WWOX: variants seen among roughly 807,000 people sequenced by gnomAD.
The protein encoded by WWOX is WW domain containing oxidoreductase.
WWOX carries 69 observed loss-of-function variants against 46.2 expected under a neutral mutation model. The ratio of observed to expected loss-of-function variants is 1.49; its 90% CI spans 1.23 to 1.82. WWOX has a LOEUF of 1.82. Ranked by LOEUF, WWOX falls within the 40% of genes most tolerant of loss-of-function variation. The pLI is 0.00. For synonymous variants in WWOX, 359 were observed against 202.6 expected (o/e 1.77, Z -6.56); for missense variants, 919 against 542.6 (o/e 1.69, Z -6.89).
intron 8 of WWOX, among the ~76,000 whole-genome samples, chr16:78,539,033 A>T (rs569364207): frequency 6.6e-6 from 1 of 152,230 alleles, no homozygotes. Context: ...CAATTCAGAG[A>T]ACATGGAAGC....
chr16:78,183,681 T>C (rs1424347381), intron 5 of WWOX, among the ~76,000 whole-genome samples: 2 of 152,184 alleles, frequency 1.3e-5, no homozygotes, highest in African/African-American at 4.8e-5. Context: ...CGAAATCTCC[T>C]GAATACCACC....
chr16:78,295,840 G>A (rs915135099), intron 5 of WWOX, among the ~76,000 whole-genome samples: 10 of 152,304 alleles, frequency 6.6e-5, no homozygotes, highest in Middle Eastern at 6.8e-3. Flanking sequence ...TTTTATTTTC[G>A]AACTTCTGGA....
At chr16:78,540,554 T>C (rs1462764273) in intron 8 of WWOX, among the ~76,000 whole-genome samples, 1 of 152,194 alleles carries the variant, frequency 6.6e-6, no homozygotes, top group Non-Finnish European at 1.5e-5. Context: ...AATTGCTCAT[T>C]AATGCTGATA....
At chr16:78,217,768 T>C (rs1368811179) in intron 5 of WWOX, among the ~76,000 whole-genome samples, 1 of 151,386 alleles carries the variant, frequency 6.6e-6, no homozygotes, top group Non-Finnish European at 1.5e-5. Flanking sequence ...TATATGGGGG[T>C]ATAGGGATAA....
At chr16:78,865,064 T>C (rs1425272028) in intron 8 of WWOX, among the ~76,000 whole-genome samples, 1 of 152,030 alleles carries the variant, frequency 6.6e-6, no homozygotes, top group Non-Finnish European at 1.5e-5. Flanking sequence ...CGCCTGGCTT[T>C]CAAATTCCAT....
At chr16:78,855,836 C>G (rs541212308) in intron 8 of WWOX, among the ~76,000 whole-genome samples, 2 of 152,302 alleles carry the variant, frequency 1.3e-5, no homozygotes, top group South Asian at 2.1e-4. Flanking sequence ...TTGGGTCTGT[C>G]AGATTCTGTG....
intron 8 of WWOX, among the ~76,000 whole-genome samples, chr16:78,623,125 T>C (rs537531306): frequency 1.1e-3 from 160 of 152,076 alleles, no homozygotes; most frequent in Non-Finnish European, 1.5e-3. Context: ...GGCAACTAGA[T>C]TTCAGCATGG....
At chr16:79,201,437 C>T (rs1412272676) in intron 8 of WWOX, among the ~76,000 whole-genome samples, 1 of 151,358 alleles carries the variant, frequency 6.6e-6, no homozygotes, top group Non-Finnish European at 1.5e-5. Context: ...TACACGATGC[C>T]TGAGCTGGCT....
chr16:78,824,683 A>G (rs2051599844), intron 8 of WWOX, among the ~76,000 whole-genome samples: 1 of 152,152 alleles, frequency 6.6e-6, no homozygotes, highest in African/African-American at 2.4e-5. Flanking sequence ...CCCCTGGTAA[A>G]CCCATCAGAT....
intron 5 of WWOX, among the ~76,000 whole-genome samples, chr16:78,224,591 T>G (rs370993265): frequency 1.3e-5 from 2 of 152,206 alleles, no homozygotes; most frequent in African/African-American, 4.8e-5. Context: ...TACAGGTTAT[T>G]CACAGCTTTT....
At chr16:78,839,945 T>C (rs565400596) in intron 8 of WWOX, among the ~76,000 whole-genome samples, 54 of 152,334 alleles carry the variant, frequency 3.5e-4, no homozygotes, top group South Asian at 1.2e-3. Flanking sequence ...CCATATATTA[T>C]TAGCTAGTGA....
chr16:78,684,798 T>A (rs905735087), intron 8 of WWOX, among the ~76,000 whole-genome samples: 3 of 152,136 alleles, frequency 2.0e-5, no homozygotes, highest in Non-Finnish European at 4.4e-5. Flanking sequence ...TTCTCTTTGT[T>A]CCCATATGTT....
At chr16:78,578,251 A>ATT (rs774065400) in intron 8 of WWOX, among the ~76,000 whole-genome samples, 2,794 of 45,908 alleles carry the variant, frequency 0.061, 84 homozygotes, top group Non-Finnish European at 0.077. Flanking sequence ...TGCATACCAA[A>ATT]TTTTATATAT....
intron 5 of WWOX, among the ~76,000 whole-genome samples, chr16:78,189,526 G>A (rs1421534823): frequency 2.0e-5 from 3 of 152,198 alleles, no homozygotes; most frequent in Admixed American, 1.3e-4. Flanking sequence ...CACACAGAGG[G>A]CATATACCAT....
chr16:78,259,938 A>T (rs1369994241), intron 5 of WWOX, among the ~76,000 whole-genome samples: 2 of 151,340 alleles, frequency 1.3e-5, no homozygotes, highest in Admixed American at 1.3e-4. Context: ...TGATGATCTA[A>T]ACTGCATAGG....
chr16:78,392,216 G>GT (rs1175412375), intron 6 of WWOX, among the ~76,000 whole-genome samples: 1 of 151,978 alleles, frequency 6.6e-6, no homozygotes, highest in Non-Finnish European at 1.5e-5. Flanking sequence ...AGTGCCTCAG[G>GT]TCCTCCCCCT....
At chr16:79,112,245 A>T (rs1300876495) in intron 8 of WWOX, among the ~76,000 whole-genome samples, 1 of 152,178 alleles carries the variant, frequency 6.6e-6, no homozygotes, top group African/African-American at 2.4e-5. Flanking sequence ...TGACCCAACA[A>T]AAGGGCTGTC....
intron 8 of WWOX, among the ~76,000 whole-genome samples, chr16:79,096,923 G>T (rs755358792): frequency 6.6e-6 from 1 of 152,156 alleles, no homozygotes; most frequent in Non-Finnish European, 1.5e-5. Flanking sequence ...GATCAGGGTC[G>T]GGTGGGGACA....
rs184000272 is a variant in WWOX at position 78,904,299 on chromosome 16, C to G, written c.1057-307309C>G. On this transcript the variant is annotated intron_variant, in intron 8 of 8. Coordinates refer to ENST00000566780, the MANE Select transcript of WWOX (RefSeq NM_016373.4). Reference sequence around the variant, plus strand: ...CTGTCGCCAGGCTGGAGTGCACTGGCATGATCTCGGCTCACTGCAACCTCT... The same window carrying G: ...CTGTCGCCAGGCTGGAGTGCACTGGGATGATCTCGGCTCACTGCAACCTCT... 2.9e-3 allele frequency among the ~76,000 whole-genome samples: 401 copies of G among 139,704 alleles called. 1 individual carries two copies. The highest frequency in any genetic ancestry group is 5.0e-3 in the Non-Finnish European group (334 of 66,306). 91.7% of individuals were successfully genotyped at this position (139,704 alleles called of 152,430 possible).
Sources: gnomAD v4.1 joint callset for allele counts (sites outside exome capture counted in the v4.1 genomes callset) on GRCh38, gnomAD v4.1.1 for gene constraint, MANE v1.5 for transcripts, NCBI Gene and HGNC (gene_info 2026-07-23, HGNC 2026-07-21) for gene names.